DLGAP2: variants seen among roughly 807,000 people sequenced by gnomAD.
DLGAP2 encodes the protein DLG associated protein 2, also known as disks large-associated protein 2.
In DLGAP2, 26 loss-of-function variants were observed where a neutral mutation model predicts 100.3. The ratio of observed to expected loss-of-function variants is 0.26; its 90% confidence interval spans 0.19 to 0.36. The LOEUF (loss-of-function observed/expected upper bound fraction) is 0.36, where lower values mean the gene tolerates loss of function less well. Ranked by LOEUF, DLGAP2 falls within the 10% of genes least tolerant of loss-of-function variation. The pLI is 1.00. For missense variants in DLGAP2, 1,858 were observed against 1,453.2 expected, an observed-to-expected ratio of 1.28 and a Z score of -4.53; for synonymous variants, 886 against 630.1, an observed-to-expected ratio of 1.41 and a Z score of -6.08.
intron 4 of DLGAP2, among the ~76,000 whole-genome samples, chr8:1,527,054 C>T (rs907306976): frequency 6.6e-6 from 1 of 151,996 alleles, no homozygotes; most frequent in African/African-American, 2.4e-5. Flanking sequence ...CTATCCAACC[C>T]TCTCCTGCGA....
intron 2 of DLGAP2, among the ~76,000 whole-genome samples, chr8:1,025,106 ATGTGTGTGCGTGCATGTGCGTGTGCATG>A (rs1203624630): frequency 1.3e-5 from 2 of 149,570 alleles, no homozygotes; most frequent in Non-Finnish European, 3.0e-5. Flanking sequence ...GTGTGCGTGT[ATGTGTGTGCGTGCATGTGCGTGTGCATG>A]TGTGTGTGCG....
chr8:854,818 G>C (rs1280008034), intron 1 of DLGAP2, among the ~76,000 whole-genome samples: 1 of 152,204 alleles, frequency 6.6e-6, no homozygotes. Flanking sequence ...TCAGGATGAG[G>C]TCCCTGAGAT....
intron 3 of DLGAP2, among the ~76,000 whole-genome samples, chr8:1,474,098 G>A (rs764103409): frequency 2.0e-5 from 3 of 151,830 alleles, no homozygotes; most frequent in East Asian, 1.9e-4. Context: ...CATCCTCATC[G>A]TTTAGCTCCC....
intron 2 of DLGAP2, among the ~76,000 whole-genome samples, chr8:1,037,194 C>T (rs1802153149): frequency 6.6e-6 from 1 of 152,138 alleles, no homozygotes; most frequent in Admixed American, 6.5e-5. Context: ...CAGCCTTGAG[C>T]GTCCCCTGCC....
At chr8:1,287,514 A>G (rs1183620414) in intron 3 of DLGAP2, among the ~76,000 whole-genome samples, 2 of 61,552 alleles carry the variant, frequency 3.2e-5, no homozygotes, top group Non-Finnish European at 5.6e-5. Flanking sequence ...TAGGAGGGGA[A>G]CTAGTTTTGG....
chr8:1,578,332 A>G (rs77219726), intron 6 of DLGAP2, among the ~76,000 whole-genome samples: 15,187 of 152,214 alleles, frequency 0.1, 1,536 homozygotes, highest in African/African-American at 0.26. Context: ...ATTTAATTTT[A>G]ATGTGATAGG....
intron 8 of DLGAP2, among the ~76,000 whole-genome samples, chr8:1,657,242 ATCT>A (rs1479854678): frequency 6.6e-6 from 1 of 152,206 alleles, no homozygotes; most frequent in African/African-American, 2.4e-5. Context: ...GTCTTGATTC[ATCT>A]TCTTTTTAAG....
At chr8:1,214,497 A>G (rs61630567) in intron 2 of DLGAP2, among the ~76,000 whole-genome samples, 15,150 of 152,210 alleles carry the variant, frequency 0.1, 1,581 homozygotes, top group African/African-American at 0.27. Flanking sequence ...GAGATGCTGA[A>G]ACAGAGGGCA....
At chr8:1,312,174 C>A (rs764284486) in intron 3 of DLGAP2, among the ~76,000 whole-genome samples, 19 of 152,216 alleles carry the variant, frequency 1.2e-4, no homozygotes, top group Admixed American at 2.6e-4. Flanking sequence ...AGACACAGAT[C>A]TCAACCTTTT....
chr8:1,451,245 G>A (rs754656800), intron 3 of DLGAP2, among the ~76,000 whole-genome samples: 7 of 152,124 alleles, frequency 4.6e-5, no homozygotes, highest in Admixed American at 1.3e-4. Context: ...CTGTTGCAGC[G>A]TAACTAACAT....
At chr8:1,072,155 A>G (rs1803452304) in intron 2 of DLGAP2, among the ~76,000 whole-genome samples, 1 of 152,118 alleles carries the variant, frequency 6.6e-6, no homozygotes, top group Non-Finnish European at 1.5e-5. Flanking sequence ...TGCGGGTTTG[A>G]TGCAGTTACA....
intron 3 of DLGAP2, among the ~76,000 whole-genome samples, chr8:1,270,296 C>T (rs1243377435): frequency 6.6e-6 from 1 of 152,132 alleles, no homozygotes; most frequent in Non-Finnish European, 1.5e-5. Flanking sequence ...TGTCCTGGAG[C>T]AACAGCTCTG....
intron 2 of DLGAP2, among the ~76,000 whole-genome samples, chr8:1,151,739 C>A (rs1194115416): frequency 6.6e-6 from 1 of 152,234 alleles, no homozygotes; most frequent in Non-Finnish European, 1.5e-5. Flanking sequence ...GTCGTCTCAT[C>A]TTCTCCATCC....
At chr8:809,988 G>T (rs1286685103) in intron 1 of DLGAP2, among the ~76,000 whole-genome samples, 1 of 152,214 alleles carries the variant, frequency 6.6e-6, no homozygotes, top group Admixed American at 6.5e-5. Flanking sequence ...CCTCAGCTCT[G>T]GGACTAACTC....
At chr8:1,247,331 C>T (rs1395724504) in intron 2 of DLGAP2, among the ~76,000 whole-genome samples, 2 of 138,150 alleles carry the variant, frequency 1.4e-5, no homozygotes, top group South Asian at 2.6e-4. Context: ...TGATGGTCCA[C>T]ATCGGTGGCC....
Position 1,684,692 on chromosome 8 carries a change from C to T in DLGAP2, c.2704+6063C>T, listed in dbSNP as rs141762139. ...AGGCTGCCTATTGTTAATAAAAGTA[C>T]TTTCAAGATATTAAATCATTAGTAA... is the stretch of plus-strand genomic sequence containing the variant. On this transcript the variant is annotated intron_variant, in intron 12 of 14. Coordinates refer to ENST00000637795, the MANE Select transcript of DLGAP2 (RefSeq NM_001346810.2). 5.1e-4 allele frequency among the ~76,000 whole-genome samples: 77 copies of T among 151,930 alleles called. 1 individual carries two copies. The highest frequency in any genetic ancestry group is 1.6e-3 in the African/African-American group (67 of 41,380).
Position 852,141 on chromosome 8 carries a change from A to T in DLGAP2, c.19-55771A>T, listed in dbSNP as rs539119902. Among the ~76,000 whole-genome samples, 9 of 150,548 alleles carry T rather than the reference A, an allele frequency of 6.0e-5. No homozygotes were observed. The East Asian group carries it at 1.4e-3, about 23-fold the overall frequency. On this transcript the variant is annotated intron_variant, in intron 1 of 14. Coordinates refer to ENST00000637795, the MANE Select transcript of DLGAP2 (RefSeq NM_001346810.2). ...GTGCAGAGATTTTGAGAAGGGACACATTGGAAGCTAAAAAAAAAACATGTC... is the reference window on the plus strand; with the variant it reads ...GTGCAGAGATTTTGAGAAGGGACACTTTGGAAGCTAAAAAAAAAACATGTC...
At chr8:1,654,141 T>G (rs1798229700) in intron 8 of DLGAP2, among the ~76,000 whole-genome samples, 1 of 152,158 alleles carries the variant, frequency 6.6e-6, no homozygotes, top group Non-Finnish European at 1.5e-5. Context: ...CTGATACAAC[T>G]TCAGTATAGA....
At chr8:1,473,306 G>T (rs993126667) in intron 3 of DLGAP2, among the ~76,000 whole-genome samples, 5 of 152,218 alleles carry the variant, frequency 3.3e-5, no homozygotes, top group African/African-American at 1.2e-4. Context: ...GGGCTGAGTA[G>T]ATGAACAGAA....
Sources: gnomAD v4.1 joint callset for allele counts (sites outside exome capture counted in the v4.1 genomes callset) on GRCh38, gnomAD v4.1.1 for gene constraint, MANE v1.5 for transcripts, NCBI Gene and HGNC (gene_info 2026-07-23, HGNC 2026-07-21) for gene names.